Variants in KCNB2 observed in about 807,000 individuals in gnomAD.
KCNB2 encodes the protein potassium voltage-gated channel subfamily B member 2, also known as delayed rectifier potassium channel protein.
Under a neutral mutation model 61.5 loss-of-function variants are expected in KCNB2, and 15 were observed. That is an observed-to-expected ratio of 0.24 (90% confidence interval 0.16 to 0.38). KCNB2 has a LOEUF of 0.38. Ranked by LOEUF, KCNB2 falls within the 10% of genes least tolerant of loss-of-function variation. The pLI is 1.00. For missense variants in KCNB2, 828 were observed against 1,125.2 expected, an observed-to-expected ratio of 0.74 and a Z score of 3.78; for synonymous variants, 457 against 446.0, an observed-to-expected ratio of 1.02 and a Z score of -0.31.
chr8:72,890,392 G>A (rs1011426577), intron 2 of KCNB2, among the ~76,000 whole-genome samples: 13 of 152,100 alleles, frequency 8.5e-5, no homozygotes, highest in African/African-American at 3.1e-4. Context: ...TCTCAGCCCC[G>A]AACAAAACAA....
At chr8:72,542,243 A>G (rs1806200755) in intron 1 of KCNB2, among the ~76,000 whole-genome samples, 2 of 152,296 alleles carry the variant, frequency 1.3e-5, no homozygotes, top group African/African-American at 2.4e-5. Context: ...GCAGGAAGCC[A>G]TAGAATCAAA....
At chr8:72,720,395 T>A (rs1462291349) in intron 2 of KCNB2, among the ~76,000 whole-genome samples, 6 of 152,200 alleles carry the variant, frequency 3.9e-5, no homozygotes. Flanking sequence ...TGACAGTGGT[T>A]TCTCTAAATT....
chr8:72,678,436 G>A (rs936703614), intron 2 of KCNB2, among the ~76,000 whole-genome samples: 2 of 151,500 alleles, frequency 1.3e-5, no homozygotes, highest in African/African-American at 4.9e-5. Flanking sequence ...AGCCAATCTG[G>A]CCTCTTTGCT....
chr8:72,886,794 C>T (rs1805814207), intron 2 of KCNB2, among the ~76,000 whole-genome samples: 2 of 152,260 alleles, frequency 1.3e-5, no homozygotes, highest in African/African-American at 4.8e-5. Flanking sequence ...ATCGCAGTGG[C>T]AGCTGGCACA....
At chr8:72,546,824 T>G (rs1806266705) in intron 1 of KCNB2, among the ~76,000 whole-genome samples, 1 of 151,980 alleles carries the variant, frequency 6.6e-6, no homozygotes, top group African/African-American at 2.4e-5. Context: ...TTTCTTTAAT[T>G]AAAAAAAGAC....
chr8:72,847,110 T>C (rs538062511), intron 2 of KCNB2, among the ~76,000 whole-genome samples: 6 of 152,192 alleles, frequency 3.9e-5, no homozygotes, highest in East Asian at 3.9e-4. Context: ...ACCTTCTGCA[T>C]TGATCTCACT....
intron 2 of KCNB2, among the ~76,000 whole-genome samples, chr8:72,919,293 T>G (rs1806459668): frequency 1.3e-5 from 2 of 152,020 alleles, no homozygotes; most frequent in African/African-American, 4.8e-5. Flanking sequence ...CCACTAAGTC[T>G]TCTCCTTCTC....
chr8:72,906,489 A>T (rs1806179993), intron 2 of KCNB2, among the ~76,000 whole-genome samples: 1 of 152,242 alleles, frequency 6.6e-6, no homozygotes, highest in Non-Finnish European at 1.5e-5. Context: ...TCAATGGTTT[A>T]AAAATAGTTT....
At chr8:72,793,110 G>A (rs898469456) in intron 2 of KCNB2, among the ~76,000 whole-genome samples, 10 of 152,116 alleles carry the variant, frequency 6.6e-5, no homozygotes, top group Admixed American at 3.3e-4. Context: ...ATATCCTTTC[G>A]TATTCTGATG....
intron 2 of KCNB2, among the ~76,000 whole-genome samples, chr8:72,806,364 A>AG: frequency 6.6e-6 from 1 of 151,614 alleles, no homozygotes; most frequent in African/African-American, 2.4e-5. Flanking sequence ...AGAAAAAAAA[A>AG]AAAAAAAAAG....
chr8:72,783,501 C>T (rs2128998115), intron 2 of KCNB2, among the ~76,000 whole-genome samples: 1 of 152,306 alleles, frequency 6.6e-6, no homozygotes, highest in East Asian at 1.9e-4. Flanking sequence ...TTATAAATCC[C>T]TTCCTGAGTC....
At chr8:72,848,617 GACC>G (rs1810041331) in intron 2 of KCNB2, among the ~76,000 whole-genome samples, 1 of 152,050 alleles carries the variant, frequency 6.6e-6, no homozygotes, top group East Asian at 1.9e-4. Flanking sequence ...CCAGTCCATG[GACC>G]ACATTTTGAG....
At chr8:72,586,761 C>T (rs1367741103) in intron 2 of KCNB2, among the ~76,000 whole-genome samples, 3 of 152,180 alleles carry the variant, frequency 2.0e-5, no homozygotes, top group Admixed American at 6.5e-5. Context: ...GCCATGCTGT[C>T]CAGACATTGT....
rs182907029 is a variant in KCNB2 at position 72,601,084 on chromosome 8, A to C, written c.579+32771A>C. On this transcript the variant is annotated intron_variant, in intron 2 of 2. Transcript: ENST00000523207. ...CTTAAGACTGTATTGCTACCTGTAA[A>C]AAAAAGGGTATCAGCAAACTTGTTC... 2.2e-4 allele frequency among the ~76,000 whole-genome samples: 34 copies of C among 152,202 alleles called. 2 individuals carry two copies. The East Asian group carries it at 6.2e-3, about 28-fold the overall frequency.
At chr8:72,573,065 A>G (rs1257412671) in intron 2 of KCNB2, among the ~76,000 whole-genome samples, 1 of 152,150 alleles carries the variant, frequency 6.6e-6, no homozygotes, top group Admixed American at 6.5e-5. Context: ...AGTTTCTTAG[A>G]TGCTGGTACC....
chr8:72,801,842 AC>A (rs1271767047), intron 2 of KCNB2, among the ~76,000 whole-genome samples: 11 of 151,626 alleles, frequency 7.3e-5, no homozygotes, highest in African/African-American at 2.4e-4. Flanking sequence ...GAAAAAAAAA[AC>A]AAAAAACAAA....
intron 2 of KCNB2, among the ~76,000 whole-genome samples, chr8:72,628,400 GGTGTGTGT>G (rs1160601490): frequency 1.4e-3 from 65 of 47,406 alleles, no homozygotes; most frequent in African/African-American, 3.0e-3. Flanking sequence ...CCTGTTAGGG[GGTGTGTGT>G]GTGTGTGTGT....
At chr8:72,723,025 A>G (rs1048924768) in intron 2 of KCNB2, among the ~76,000 whole-genome samples, 1 of 152,192 alleles carries the variant, frequency 6.6e-6, no homozygotes, top group Non-Finnish European at 1.5e-5. Flanking sequence ...TCTTCTTTTG[A>G]CATTAGTGAG....
At chr8:72,703,050 T>C (rs1294390412) in intron 2 of KCNB2, among the ~76,000 whole-genome samples, 1 of 152,224 alleles carries the variant, frequency 6.6e-6, no homozygotes, top group Non-Finnish European at 1.5e-5. Flanking sequence ...TTCATCTTGC[T>C]GGAGCAACAA....
Sources: gnomAD v4.1 joint callset for allele counts (sites outside exome capture counted in the v4.1 genomes callset) on GRCh38, gnomAD v4.1.1 for gene constraint, MANE v1.5 for transcripts, NCBI Gene and HGNC (gene_info 2026-07-23, HGNC 2026-07-21) for gene names.